The following FBXO30 variants were observed in gnomAD, a reference collection of about 807,000 sequenced individuals.
FBXO30 encodes the protein F-box only protein 30.
Under a neutral mutation model 58.1 loss-of-function variants are expected in FBXO30, and 21 were observed. The observed-to-expected ratio is 0.36, with a 90% CI of 0.26 to 0.52. FBXO30 has a LOEUF of 0.52. Ranked by LOEUF, FBXO30 falls within the 20% of genes least tolerant of loss-of-function variation. The pLI is 0.93. For missense variants in FBXO30, 744 were observed against 897.3 expected (o/e 0.83, Z 2.18); for synonymous variants, 309 against 312.4 (o/e 0.99, Z 0.11).
intron 1 of FBXO30, among the ~76,000 whole-genome samples, chr6:145,813,216 G>C (rs1038671808): frequency 2.0e-5 from 3 of 151,910 alleles, no homozygotes; most frequent in Non-Finnish European, 4.4e-5. Context: ...AGAAATACTG[G>C]ATTGAAATTA....
rs1583189602 is a variant in FBXO30 at position 145,799,603 on chromosome 6, T to G, written c.*503A>C. 1 of 152,836 alleles carries G rather than the reference T, an allele frequency of 6.5e-6. No individual in the cohort carries two copies. Among genetic ancestry groups the G allele is most frequent in the Non-Finnish European group, 1.5e-5 (1 of 68,146 alleles). 9.5% of individuals were successfully genotyped at this position (152,836 alleles called of 1,614,324 possible). ...TATGTAAGTATATATTAGAGATCAT[T>G]TGTGCATTAACAATTGTATAGGGAA... On this transcript the variant is annotated 3_prime_UTR_variant, in exon 3 of 3. Coordinates refer to ENST00000237281, the MANE Select transcript of FBXO30 (RefSeq NM_032145.5).
At chr6:145,813,161 A>G (rs975855031) in intron 1 of FBXO30, among the ~76,000 whole-genome samples, 2 of 152,144 alleles carry the variant, frequency 1.3e-5, no homozygotes, top group South Asian at 2.1e-4. Context: ...TTTTAATGAT[A>G]TATTAGGACA....
chr6:145,805,040 C>T lies in FBXO30; in HGVS notation c.1366G>A (p.Val456Ile), dbSNP rs767113391. The stretch of plus-strand genomic sequence containing the variant: ...GGAAGTGAAAAAGTCTGAGTCCCAA[C>T]GTCAATGTGATAAATATCAGCCATG... ...SRMADIYHID[V>I]GTQTFSLPSA... is the part of the protein sequence containing the mutation. Residue 456 changes from valine (V) to isoleucine (I), a missense_variant, in exon 2 of 3, where the codon GTT becomes ATT. Val to Ile is a conservative substitution (Grantham distance 29, BLOSUM62 3). Around this residue, in one of 3 missense-constraint regions of FBXO30, gnomAD observed 334 missense variants for 433.7 expected, o/e 0.77. Transcript: ENST00000237281. 8.1e-6 allele frequency: 13 copies of T among 1,613,814 alleles called. No individual in the cohort carries two copies. The highest frequency in any genetic ancestry group is 6.6e-5 in the South Asian group (6 of 91,090).
In FBXO30 at chr6:145,801,309, C is replaced by T. The variant is rs145680730; in HGVS notation, c.2035-1000G>A. 6.0e-3 allele frequency among the ~76,000 whole-genome samples: 918 copies of T among 152,144 alleles called. 12 individuals carry two copies. Among genetic ancestry groups the T allele is most frequent in the Middle Eastern group, 0.034 (10 of 294 alleles). ...GAACAAGCTTGTCTAACCTGGGGCCCGTAGGCAGCATGTGGCCCAGGACGG... is the reference window on the plus strand; with the variant it reads ...GAACAAGCTTGTCTAACCTGGGGCCTGTAGGCAGCATGTGGCCCAGGACGG... On this transcript the variant is annotated intron_variant, in intron 2 of 2. Coordinates refer to ENST00000237281, the MANE Select transcript of FBXO30 (RefSeq NM_032145.5).
rs1479794727 is a variant in FBXO30 at position 145,805,298 on chromosome 6, C to A, written c.1108G>T (p.Val370Leu). ...EGEGELCWKKVDLGDVKNVDV... is the reference protein window; with the variant it reads ...EGEGELCWKKLDLGDVKNVDV... The stretch of plus-strand genomic sequence containing the variant: ...ACATTCTTCACGTCCCCTAAGTCTA[C>A]TTTTTTCCAACACAATTCACCTTCA... Residue 370 changes from valine to leucine, a missense_variant, in exon 2 of 3, where the codon GTA (valine) becomes TTA (leucine). Physicochemically the swap from Val to Leu is conservative, Grantham distance 32. Transcript: ENST00000237281. The A allele has an allele frequency of 1.2e-6, 2 of 1,613,956 alleles. No individual in the cohort carries two copies. Among genetic ancestry groups the A allele is most frequent in the African/African-American group, 1.3e-5 (1 of 74,916 alleles).
intron 1 of FBXO30, among the ~76,000 whole-genome samples, chr6:145,809,154 A>G (rs570614532): frequency 1.3e-5 from 2 of 152,352 alleles, no homozygotes; most frequent in African/African-American, 4.8e-5. Flanking sequence ...GTATAGAAAT[A>G]TATAAATAGA....
At position 145,804,669 on chromosome 6, in the gene FBXO30, T is replaced by C; in HGVS notation, c.1737A>G (p.Ile579Met). 6.2e-7 allele frequency: 1 copy of C among 1,613,926 alleles called. No homozygotes were observed. Among genetic ancestry groups the C allele is most frequent in the East Asian group, 2.2e-5 (1 of 44,874 alleles). ...CAAATGACCTCAAATGGCGGTCATG[T>C]ATAATCTTTGCTCCTTGTATTGATG... ...FCPSIQGAKI[I>M]HDRHLRSFGV... Residue 579 changes from isoleucine (I) to methionine (M), a missense_variant, in exon 2 of 3, where the codon ATA becomes ATG. By Grantham distance (10) the Ile-to-Met change is conservative. Transcript: ENST00000237281.
chr6:145,813,056 C>T (rs945078821), intron 1 of FBXO30, among the ~76,000 whole-genome samples: 4 of 152,038 alleles, frequency 2.6e-5, no homozygotes, highest in Admixed American at 2.6e-4. Context: ...ATCTTAGAAA[C>T]ATGTTATATC....
chr6:145,807,546 C>A (rs1275579201), intron 1 of FBXO30, among the ~76,000 whole-genome samples: 2 of 152,048 alleles, frequency 1.3e-5, no homozygotes, highest in East Asian at 3.9e-4. Flanking sequence ...TTATGCTGCT[C>A]CAAAGAGTTC....
chr6:145,813,578 A>G (rs925155977), intron 1 of FBXO30, among the ~76,000 whole-genome samples: 9 of 152,254 alleles, frequency 5.9e-5, no homozygotes, highest in Non-Finnish European at 1.0e-4. Flanking sequence ...AAACCTTAGT[A>G]TGAGCAAATG....
chr6:145,806,530 G>A (rs1260025780), intron 1 of FBXO30, 109 bp from the exon 2 acceptor site: 3 of 787,024 alleles, frequency 3.8e-6, no homozygotes, highest in Non-Finnish European at 6.0e-6. Context: ...GTTTATTTTA[G>A]GATGACATAT....
At chr6:145,808,137 A>G (rs1778231809) in intron 1 of FBXO30, among the ~76,000 whole-genome samples, 1 of 152,070 alleles carries the variant, frequency 6.6e-6, no homozygotes. Flanking sequence ...CTGTCTCAAA[A>G]AATAATAATA....
At position 145,806,088 on chromosome 6, in the gene FBXO30, T is replaced by G; in HGVS notation, c.318A>C (p.Ser106=). 1 of 1,614,116 alleles carries G rather than the reference T, an allele frequency of 6.2e-7. No individual in the cohort carries two copies. Among genetic ancestry groups the G allele is most frequent in the Non-Finnish European group, 8.5e-7 (1 of 1,179,998 alleles). The change falls in exon 2 of 3, where the codon TCA becomes TCC. Residue 106 remains serine, a synonymous_variant. Coordinates refer to ENST00000237281, the MANE Select transcript of FBXO30 (RefSeq NM_032145.5). ...CGACATCTCTGCTTAGATTTTCATA[T>G]GATTTCCGGTCTGCATAACTAACTG... The part of the protein sequence containing the change: ...RWPVSYADRK[S]YENLSRDVDE...
rs1583186198 is a variant in FBXO30 at position 145,794,044 on chromosome 6, A to G, written c.*6062T>C. On this transcript the variant is annotated 3_prime_UTR_variant, in exon 3 of 3. Transcript: ENST00000237281. Reference sequence around the variant, plus strand: ...TCACTGGCATTTTGGCACATTCACAATGTGCAACTATCCCCACTATCTTGT... The same window carrying G: ...TCACTGGCATTTTGGCACATTCACAGTGTGCAACTATCCCCACTATCTTGT... 6.6e-6 allele frequency: 1 copy of G among 152,080 alleles called. No homozygotes were observed. The highest frequency in any genetic ancestry group is 1.9e-4 in the East Asian group (1 of 5,178). 9.4% of individuals were successfully genotyped at this position (152,080 alleles called of 1,614,324 possible). A position where few individuals can be genotyped will look rare whatever the true frequency, so the allele number is the denominator to read the frequency against.
At chr6:145,807,565 A>T (rs1778212410) in intron 1 of FBXO30, among the ~76,000 whole-genome samples, 1 of 152,232 alleles carries the variant, frequency 6.6e-6, no homozygotes, top group Non-Finnish European at 1.5e-5. Flanking sequence ...TCACACTTTT[A>T]CAACTGGAAG....
chr6:145,804,535 A>G lies in FBXO30; in HGVS notation c.1871T>C (p.Ile624Thr), dbSNP rs1200724718. Residue 624 changes from isoleucine to threonine, a missense_variant, in exon 2 of 3, where the codon ATT becomes ACT. Physicochemically the swap from Ile to Thr is moderately conservative, Grantham distance 89 (BLOSUM62 -1). Transcript: ENST00000237281. The part of the protein sequence containing the change: ...SSLPFEVLQH[I>T]AGFLDGFSLC... ...GCTGAAGCCATCGAGAAAGCCTGCA[A>G]TATGCTGCAGGACCTCAAAAGGAAG... 2.5e-6 allele frequency: 4 copies of G among 1,613,672 alleles called. No individual in the cohort carries two copies. In the East Asian group the frequency reaches 6.7e-5, roughly 27 times the overall value.
Position 145,805,146 on chromosome 6 carries a change from G to A in FBXO30, c.1260C>T (p.Leu420=), listed in dbSNP as rs149933372. The change falls in exon 2 of 3, where the codon CTC becomes CTT. Residue 420 remains leucine, a synonymous_variant. Transcript: ENST00000237281. ...DLEVAEDPMG[L]QGIDLITAAL... ...CTGCTGTGATCAGATCTATTCCTTG[G>A]AGGCCCATAGGATCTTCTGCAACTT... 56 of 1,613,950 alleles carry A rather than the reference G, an allele frequency of 3.5e-5. No individual in the cohort carries two copies. The highest frequency in any genetic ancestry group is 4.2e-6 in the Non-Finnish European group (5 of 1,179,962).
rs1778247272 is a variant in FBXO30, at chr6:145,808,557, TCCCTGGG to T, written c.-16-2143_-16-2137del. Among the ~76,000 whole-genome samples, 6 of 152,286 alleles carry T rather than the reference TCCCTGGG, an allele frequency of 3.9e-5. No individual in the cohort carries two copies. In the South Asian group the frequency reaches 1.2e-3, roughly 32 times the overall value. On this transcript the variant is annotated intron_variant, in intron 1 of 2. Transcript: ENST00000237281. Reference sequence around the variant, plus strand: ...CATTTTTTGCTTATTCTGTACATTCTCCCTGGGTGCTCTCATTTTCTCCAAAAGTTTC... The same window carrying T: ...CATTTTTTGCTTATTCTGTACATTCTTGCTCTCATTTTCTCCAAAAGTTTC...
In FBXO30 at chr6:145,794,883, AG is replaced by A. The variant is rs1157888580; in HGVS notation, c.*5222del. On this transcript the variant is annotated 3_prime_UTR_variant, in exon 3 of 3. Coordinates refer to ENST00000237281, the MANE Select transcript of FBXO30 (RefSeq NM_032145.5). The stretch of plus-strand genomic sequence containing the variant: ...ATTACTGACGAAAATGACTAAATTC[AG>A]GGTCACCTCACCAGAAAATTAATGT... 2 of 151,898 alleles carry A rather than the reference AG, an allele frequency of 1.3e-5. No homozygotes were observed. The highest frequency in any genetic ancestry group is 4.8e-5 in the African/African-American group (2 of 41,440). 9.4% of individuals were successfully genotyped at this position (151,898 alleles called of 1,614,324 possible).
Sources: gnomAD v4.1 joint callset for allele counts (sites outside exome capture counted in the v4.1 genomes callset) on GRCh38, gnomAD v4.1.1 for gene constraint, gnomAD v4.1.1 regional missense constraint, MANE v1.5 for transcripts, NCBI Gene and HGNC (gene_info 2026-07-23, HGNC 2026-07-21) for gene names.